SGCD: variants seen among roughly 807,000 people sequenced by gnomAD.
The protein encoded by SGCD is delta-sarcoglycan.
Under a neutral mutation model 36.6 loss-of-function variants are expected in SGCD, and 18 were observed. The observed-to-expected ratio is 0.49, with a 90% CI of 0.34 to 0.73. The LOEUF is 0.73. Ranked by LOEUF, SGCD falls within the 30% of genes least tolerant of loss-of-function variation. The pLI is 0.01. For synonymous variants in SGCD, 133 were observed against 130.6 expected, an observed-to-expected ratio of 1.02 and a Z score of -0.12; for missense variants, 387 against 346.7, an observed-to-expected ratio of 1.12 and a Z score of -0.92.
chr5:156,178,873 A>G (rs1393643451), intron 3 of SGCD, among the ~76,000 whole-genome samples: 1 of 152,174 alleles, frequency 6.6e-6, no homozygotes. Flanking sequence ...GCCTGAATGT[A>G]TTAATGATTG....
intron 1 of SGCD, among the ~76,000 whole-genome samples, chr5:156,029,071 G>C (rs992232447): frequency 1.3e-5 from 2 of 151,778 alleles, no homozygotes; most frequent in African/African-American, 4.8e-5. Flanking sequence ...AATTAATTAA[G>C]GTCACCATTC....
At chr5:155,728,439 G>A in the SGCD span, among the ~76,000 whole-genome samples, 459 of 152,312 alleles carry the variant, frequency 3.0e-3, 4 homozygotes, top group Non-Finnish European at 1.9e-3. Flanking sequence ...CGGCGGGGAG[G>A]AGGACTAGAA....
chr5:156,619,024 T>C (rs1746226427), intron 6 of SGCD, among the ~76,000 whole-genome samples: 1 of 109,574 alleles, frequency 9.1e-6, no homozygotes, highest in Admixed American at 1.0e-4. Flanking sequence ...AGCCAATTCC[T>C]TTTTTTTTTT....
chr5:155,732,430 G>C, the SGCD span, among the ~76,000 whole-genome samples: 1 of 152,190 alleles, frequency 6.6e-6, no homozygotes, highest in Non-Finnish European at 1.5e-5. Context: ...ATTCTAGGCT[G>C]ATGGAGCCAA....
At chr5:156,217,775 G>A (rs531046523) in intron 3 of SGCD, among the ~76,000 whole-genome samples, 1 of 152,104 alleles carries the variant, frequency 6.6e-6, no homozygotes, top group East Asian at 1.9e-4. Flanking sequence ...CAGGTAAAAA[G>A]AGAGTAGATA....
chr5:156,453,409 A>T (rs1040684997), intron 3 of SGCD, among the ~76,000 whole-genome samples: 3 of 152,300 alleles, frequency 2.0e-5, no homozygotes, highest in Non-Finnish European at 4.4e-5. Context: ...CTGGAAAATT[A>T]TATACCATGG....
chr5:156,651,831 AACATTGGTAGTTTTTAGATT>A (rs1321355102), intron 7 of SGCD, among the ~76,000 whole-genome samples: 1 of 151,850 alleles, frequency 6.6e-6, no homozygotes, highest in Non-Finnish European at 1.5e-5. Context: ...GTGAAAAAAT[AACATTGGTAGTTTTTAGATT>A]ACATTGGGCA....
chr5:156,156,495 G>A (rs1259737364), intron 3 of SGCD, among the ~76,000 whole-genome samples: 1 of 151,516 alleles, frequency 6.6e-6, no homozygotes, highest in African/African-American at 2.4e-5. Flanking sequence ...GTGGTGGCAT[G>A]CGCCAGTAGT....
intron 1 of SGCD, among the ~76,000 whole-genome samples, chr5:156,077,243 T>A (rs750341225): frequency 9.2e-5 from 14 of 152,158 alleles, no homozygotes; most frequent in Non-Finnish European, 1.9e-4. Context: ...TTTCCTATCC[T>A]TTAGGACCAA....
intron 1 of SGCD, among the ~76,000 whole-genome samples, chr5:156,114,622 G>C (rs1279034752): frequency 6.6e-6 from 1 of 151,944 alleles, no homozygotes; most frequent in African/African-American, 2.4e-5. Flanking sequence ...TGAAATAATA[G>C]GATTCAGTTG....
chr5:156,695,536 GATAGATA>G (rs1754287557), intron 7 of SGCD, among the ~76,000 whole-genome samples: 1 of 135,514 alleles, frequency 7.4e-6, no homozygotes, highest in South Asian at 2.2e-4. Context: ...TAGATAGATA[GATAGATA>G]GATAGATAGA....
intron 4 of SGCD, among the ~76,000 whole-genome samples, chr5:156,514,055 T>C (rs1757053348): frequency 6.6e-6 from 1 of 152,230 alleles, no homozygotes; most frequent in South Asian, 2.1e-4. Context: ...TTCAATGTGA[T>C]TGGATATCTT....
intron 3 of SGCD, among the ~76,000 whole-genome samples, chr5:156,173,698 A>G (rs1442322205): frequency 3.3e-5 from 5 of 152,096 alleles, no homozygotes; most frequent in Non-Finnish European, 7.4e-5. Context: ...AACCTTAGGG[A>G]GATCTTAAAA....
intron 7 of SGCD, among the ~76,000 whole-genome samples, chr5:156,739,233 A>C (rs1029965798): frequency 6.6e-6 from 1 of 152,210 alleles, no homozygotes; most frequent in Non-Finnish European, 1.5e-5. Context: ...AGGGAAAGAA[A>C]GGAAAGTGTG....
At chr5:156,745,623 G>A (rs1756907717) in intron 7 of SGCD, among the ~76,000 whole-genome samples, 1 of 152,154 alleles carries the variant, frequency 6.6e-6, no homozygotes, top group South Asian at 2.1e-4. Context: ...TAGACCCACA[G>A]AGGCTTCAGT....
intron 1 of SGCD, among the ~76,000 whole-genome samples, chr5:156,059,761 G>A (rs1760156264): frequency 6.8e-6 from 1 of 146,958 alleles, no homozygotes; most frequent in Non-Finnish European, 1.5e-5. Flanking sequence ...TGGAAACAGT[G>A]CACATGCAAT....
intron 4 of SGCD, among the ~76,000 whole-genome samples, chr5:156,568,403 T>G (rs1462778090): frequency 6.6e-6 from 1 of 151,978 alleles, no homozygotes; most frequent in Non-Finnish European, 1.5e-5. Flanking sequence ...AAATAAAGAC[T>G]CAGGTAGCTG....
chr5:156,596,557 A>G (rs1332706005), intron 6 of SGCD, among the ~76,000 whole-genome samples: 1 of 152,160 alleles, frequency 6.6e-6, no homozygotes, highest in Non-Finnish European at 1.5e-5. Flanking sequence ...AATTATATTT[A>G]TCTCTGCATT....
At chr5:155,912,895 CTTCTACTCTCCTTTCATTCT>C in intron 1 of SGCD, among the ~76,000 whole-genome samples, 1 of 151,900 alleles carries the variant, frequency 6.6e-6, no homozygotes, top group Non-Finnish European at 1.5e-5. Context: ...CATTCCCTTT[CTTCTACTCTCCTTTCATTCT>C]TGGCATTTAA....
Sources: gnomAD v4.1 joint callset for allele counts (sites outside exome capture counted in the v4.1 genomes callset) on GRCh38, gnomAD v4.1.1 for gene constraint, MANE v1.5 for transcripts, NCBI Gene and HGNC (gene_info 2026-07-23, HGNC 2026-07-21) for gene names.